SH3RF3: variants seen among roughly 807,000 people sequenced by gnomAD.
SH3RF3 encodes E3 ubiquitin-protein ligase SH3RF3.
A neutral mutation model predicts 66.3 loss-of-function variants in SH3RF3; 29 were observed. That is an observed-to-expected ratio of 0.44 (90% confidence interval 0.33 to 0.60). The LOEUF (loss-of-function observed/expected upper bound fraction) is 0.60, where lower values mean the gene tolerates loss of function less well. Among genes scored for constraint, SH3RF3 ranks in the 20% least tolerant of loss-of-function variants. The pLI is 0.04. For synonymous variants in SH3RF3, 583 were observed against 532.0 expected (o/e 1.10, Z -1.32); for missense variants, 1,194 against 1,190.9 (o/e 1.00, Z -0.04).
chr2:109,169,913 TATTG>T (rs1327283031), intron 1 of SH3RF3, among the ~76,000 whole-genome samples: 1 of 152,156 alleles, frequency 6.6e-6, no homozygotes, highest in Non-Finnish European at 1.5e-5. Flanking sequence ...AGGTGCTTTA[TATTG>T]AAGTGCAGAA....
At chr2:109,221,460 G>A (rs1574512178) in intron 1 of SH3RF3, among the ~76,000 whole-genome samples, 2 of 152,174 alleles carry the variant, frequency 1.3e-5, no homozygotes, top group East Asian at 3.9e-4. Context: ...GTGCACGCCT[G>A]TAATCCCAGC....
At chr2:109,299,974 A>G (rs1047708351) in intron 1 of SH3RF3, among the ~76,000 whole-genome samples, 2 of 152,130 alleles carry the variant, frequency 1.3e-5, no homozygotes, top group Non-Finnish European at 2.9e-5. Context: ...GATTTGTTCT[A>G]TTTATTTATT....
intron 1 of SH3RF3, among the ~76,000 whole-genome samples, chr2:109,249,797 C>T (rs1400996312): frequency 4.0e-5 from 6 of 151,750 alleles, no homozygotes; most frequent in African/African-American, 1.5e-4. Flanking sequence ...GCTGGGACTA[C>T]AGGCGCCCGC....
rs1573222023 is a variant in SH3RF3 at position 109,400,615 on chromosome 2, C to T, written c.1299+1672C>T. Among the ~76,000 whole-genome samples the T allele has an allele frequency of 2.0e-5, 3 of 152,268 alleles. No homozygotes were observed. The East Asian group carries it at 5.8e-4, about 29-fold the overall frequency. On this transcript the variant is annotated intron_variant, in intron 4 of 9. Transcript: ENST00000309415. ...CTTGTGAACTTATATGCGTCCCTTC[C>T]ACATACACACCCACACATACACCCG...
Position 109,492,738 on chromosome 2 carries a change from C to T in SH3RF3, c.2480+1802C>T, listed in dbSNP as rs576591399. Among the ~76,000 whole-genome samples the T allele has an allele frequency of 1.8e-4, 28 of 152,266 alleles. No individual in the cohort carries two copies. In the South Asian group the frequency reaches 5.0e-3, roughly 27 times the overall value. On this transcript the variant is annotated intron_variant, in intron 9 of 9. Transcript: ENST00000309415. ...GAGGACTTTCTGACCTCATGGCCCACGCCCTGAGCTACCTCTCTGTAGGGT... is the reference window on the plus strand; with the variant it reads ...GAGGACTTTCTGACCTCATGGCCCATGCCCTGAGCTACCTCTCTGTAGGGT...
chr2:109,389,497 A>G (rs1011931446), intron 3 of SH3RF3, among the ~76,000 whole-genome samples: 2 of 152,184 alleles, frequency 1.3e-5, no homozygotes, highest in African/African-American at 4.8e-5. Context: ...ACGCATGCCA[A>G]TATTTATTCT....
chr2:109,154,773 A>G (rs1330762551), intron 1 of SH3RF3, among the ~76,000 whole-genome samples: 1 of 152,226 alleles, frequency 6.6e-6, no homozygotes, highest in African/African-American at 2.4e-5. Context: ...CTCAGAGTGT[A>G]TGTGTTTTTG....
intron 1 of SH3RF3, among the ~76,000 whole-genome samples, chr2:109,221,756 TG>T (rs1455876326): frequency 1.3e-5 from 2 of 152,006 alleles, no homozygotes; most frequent in African/African-American, 2.4e-5. Context: ...ATACTATTGG[TG>T]GGAACATAAA....
At chr2:109,338,331 A>G (rs1682477630) in intron 1 of SH3RF3, among the ~76,000 whole-genome samples, 1 of 152,152 alleles carries the variant, frequency 6.6e-6, no homozygotes, top group African/African-American at 2.4e-5. Context: ...GCTCTTCTGC[A>G]AGAAGCTTCA....
chr2:109,301,452 C>G (rs1044450645), intron 1 of SH3RF3, among the ~76,000 whole-genome samples: 2 of 152,106 alleles, frequency 1.3e-5, no homozygotes, highest in Non-Finnish European at 2.9e-5. Flanking sequence ...GGATTGCTGG[C>G]CCCTTCGCTG....
rs556522973 is a variant in SH3RF3, at chr2:109,352,622, G to A, written c.849+4673G>A. 5.9e-5 allele frequency among the ~76,000 whole-genome samples: 9 copies of A among 152,288 alleles called. No individual in the cohort carries two copies. The East Asian group carries it at 1.5e-3, about 26-fold the overall frequency. ...CTCCACGTCGTTCTCTCCCTTCCTG[G>A]GCACCCCGCTTGGGCTACTTTACCC... On this transcript the variant is annotated intron_variant, in intron 2 of 9. Transcript: ENST00000309415.
intron 1 of SH3RF3, among the ~76,000 whole-genome samples, chr2:109,263,709 G>A (rs551028046): frequency 1.3e-5 from 2 of 152,300 alleles, no homozygotes; most frequent in African/African-American, 4.8e-5. Context: ...GCTCACGCCT[G>A]TAATCCCAGC....
chr2:109,316,176 C>T (rs1392129174), intron 1 of SH3RF3, among the ~76,000 whole-genome samples: 1 of 152,154 alleles, frequency 6.6e-6, no homozygotes, highest in Non-Finnish European at 1.5e-5. Context: ...TTTTGCTGAA[C>T]TTTTGGGCCT....
chr2:109,405,790 G>A (rs1040791567), intron 4 of SH3RF3, among the ~76,000 whole-genome samples: 1 of 152,200 alleles, frequency 6.6e-6, no homozygotes, highest in East Asian at 1.9e-4. Context: ...TATTATTTGT[G>A]TGTATGGCCA....
intron 1 of SH3RF3, among the ~76,000 whole-genome samples, chr2:109,249,791 G>A (rs1680040182): frequency 6.6e-6 from 1 of 151,466 alleles, no homozygotes; most frequent in South Asian, 2.1e-4. Context: ...TGAGTAGCTG[G>A]GACTACAGGC....
At chr2:109,246,416 G>A (rs772993476) in intron 1 of SH3RF3, among the ~76,000 whole-genome samples, 2 of 152,112 alleles carry the variant, frequency 1.3e-5, no homozygotes, top group South Asian at 4.1e-4. Context: ...ATTCATGAGG[G>A]CTCCACCCTC....
chr2:109,415,679 G>A (rs1471538836), intron 4 of SH3RF3, among the ~76,000 whole-genome samples: 1 of 152,086 alleles, frequency 6.6e-6, no homozygotes, highest in African/African-American at 2.4e-5. Flanking sequence ...CTCTCAGGAG[G>A]CCCCACGCAG....
At chr2:109,473,157 C>G (rs1678570465) in intron 8 of SH3RF3, among the ~76,000 whole-genome samples, 1 of 152,226 alleles carries the variant, frequency 6.6e-6, no homozygotes, top group African/African-American at 2.4e-5. Context: ...TTAACTCTTG[C>G]AAAGCTCTGT....
intron 1 of SH3RF3, among the ~76,000 whole-genome samples, chr2:109,323,850 CT>C (rs1303644315): frequency 3.9e-5 from 6 of 152,154 alleles, no homozygotes; most frequent in African/African-American, 1.4e-4. Context: ...ATGTTTTTAT[CT>C]TTTTAAAAGT....
Sources: gnomAD v4.1 joint callset for allele counts (sites outside exome capture counted in the v4.1 genomes callset) on GRCh38, gnomAD v4.1.1 for gene constraint, MANE v1.5 for transcripts, NCBI Gene and HGNC (gene_info 2026-07-23, HGNC 2026-07-21) for gene names.